The following ATAD1 variants were observed in gnomAD, a reference collection of about 807,000 sequenced individuals.
The protein encoded by ATAD1 is outer mitochondrial transmembrane helix translocase.
ATAD1 carries 18 observed loss-of-function variants against 42.7 expected under a neutral mutation model. The ratio of observed to expected loss-of-function variants is 0.42; its 90% CI spans 0.29 to 0.63. The LOEUF (loss-of-function observed/expected upper bound fraction) is 0.63. Among genes scored for constraint, ATAD1 ranks in the 20% least tolerant of loss-of-function variants. The pLI is 0.19. For synonymous variants in ATAD1, 132 were observed against 143.1 expected (o/e 0.92, Z 0.55); for missense variants, 294 against 440.4 (o/e 0.67, Z 2.98).
chr10:87,787,161 A>G (rs1421918627), intron 4 of ATAD1, among the ~76,000 whole-genome samples: 3 of 152,220 alleles, frequency 2.0e-5, no homozygotes, highest in Non-Finnish European at 2.9e-5. Context: ...TGCAACCTTT[A>G]AATTAGTTCT....
chr10:87,810,493 T>C (rs2132045045), intron 2 of ATAD1, among the ~76,000 whole-genome samples: 1 of 152,324 alleles, frequency 6.6e-6, no homozygotes, highest in East Asian at 1.9e-4. Flanking sequence ...CCTGTAGTTA[T>C]ATCATATTTT....
chr10:87,783,020 T>A (rs1855643781), intron 5 of ATAD1, among the ~76,000 whole-genome samples: 1 of 151,150 alleles, frequency 6.6e-6, no homozygotes, highest in South Asian at 2.1e-4. Flanking sequence ...ATCTCAGCTA[T>A]CATAACAAAA....
At chr10:87,764,871 T>C (rs1854662698) in intron 8 of ATAD1, among the ~76,000 whole-genome samples, 1 of 151,994 alleles carries the variant, frequency 6.6e-6, no homozygotes, top group Admixed American at 6.6e-5. Flanking sequence ...CTATAACCTA[T>C]AAATTAAAAG....
At chr10:87,792,132 C>T (rs987573267) in intron 3 of ATAD1, among the ~76,000 whole-genome samples, 2 of 152,220 alleles carry the variant, frequency 1.3e-5, no homozygotes, top group Non-Finnish European at 1.5e-5. Context: ...AAGATTGGCC[C>T]TTGGCTGGCA....
chr10:87,792,872 AAGG>A, intron 2 of ATAD1, 117 bp from the exon 3 acceptor site: 4 of 761,016 alleles, frequency 5.3e-6, no homozygotes, highest in Non-Finnish European at 8.7e-6. Flanking sequence ...AGAAATTTCC[AAGG>A]ATATTCTAGG....
chr10:87,814,853 G>A (rs181793320), intron 1 of ATAD1: 4 of 250,806 alleles, frequency 1.6e-5, no homozygotes, highest in Non-Finnish European at 3.0e-5. Flanking sequence ...TTATTTGGTA[G>A]TAGAATTAAT....
intron 4 of ATAD1, among the ~76,000 whole-genome samples, chr10:87,787,446 T>C (rs1049814148): frequency 6.6e-6 from 1 of 152,056 alleles, no homozygotes; most frequent in South Asian, 2.1e-4. Context: ...AGTGAGACCC[T>C]GTCTCTACAA....
At chr10:87,791,946 T>C (rs1856142181) in intron 3 of ATAD1, among the ~76,000 whole-genome samples, 1 of 152,212 alleles carries the variant, frequency 6.6e-6, no homozygotes. Flanking sequence ...TGTGTTATCA[T>C]ACCATATTAT....
At position 87,754,705 on chromosome 10, in the gene ATAD1, T is replaced by A; in HGVS notation, c.1068A>T (p.Thr356=). 1 of 1,613,494 alleles carries A rather than the reference T, an allele frequency of 6.2e-7. No homozygotes were observed. The highest frequency in any genetic ancestry group is 8.5e-7 in the Non-Finnish European group (1 of 1,179,746). ...SKDAAFQNVL[T]HVCLD ...TTTACTCTTAATCTAAACAAACATG[T>A]GTTAAAACATTCTGAAATGCTGCAT... Residue 356 remains threonine, a synonymous_variant, in exon 10 of 10, where the codon ACA becomes ACT. Transcript: ENST00000680024.
At position 87,833,546 on chromosome 10, in the gene ATAD1, A is replaced by G. The variant is rs186504657; in HGVS notation, c.-14+7641T>C. Among the ~76,000 whole-genome samples, 250 of 152,140 alleles carry G rather than the reference A, an allele frequency of 1.6e-3. 1 individual carries two copies. The highest frequency in any genetic ancestry group is 2.9e-3 in the Non-Finnish European group (196 of 68,000). On this transcript the variant is annotated intron_variant, in intron 1 of 4. Coordinates refer to the ATAD1 transcript ENST00000495903. ...TGAAGACATTCTTACCTTGTTCCTG[A>G]CCTTAATGGGTAGAATTCAGTCTTT...
chr10:87,790,239 C>A, intron 4 of ATAD1, 71 bp downstream of exon 4: 1 of 1,558,220 alleles, frequency 6.4e-7, no homozygotes, highest in South Asian at 1.2e-5. Flanking sequence ...AAAACTAGTT[C>A]TACAATGGCA....
chr10:87,819,582 C>T (rs1386018326), upstream of ATAD1, among the ~76,000 whole-genome samples: 1 of 152,254 alleles, frequency 6.6e-6, no homozygotes, highest in East Asian at 1.9e-4. Context: ...ACATGCATAA[C>T]CTAAATATCT....
In ATAD1 at chr10:87,792,596, C is replaced by T. The variant is rs138327646; in HGVS notation, c.261+61G>A. 1.8e-4 allele frequency: 227 copies of T among 1,286,472 alleles called. 2 individuals carry two copies. In the East Asian group the frequency reaches 4.6e-3, roughly 26 times the overall value. The allele number at this position is 1,286,472 out of a possible 1,614,324, so 79.7% of individuals were successfully genotyped here. Reference sequence around the variant, plus strand: ...GCCGTGATCTTTAAGACCCCTGACACAAAATGCTAGAACCCACCCCCACCT... The same window carrying T: ...GCCGTGATCTTTAAGACCCCTGACATAAAATGCTAGAACCCACCCCCACCT... On this transcript the variant is annotated intron_variant, in intron 3 of 9. Transcript: ENST00000680024.
At chr10:87,765,495 G>A (rs1189746652) in intron 8 of ATAD1, among the ~76,000 whole-genome samples, 1 of 94,294 alleles carries the variant, frequency 1.1e-5, no homozygotes, top group Non-Finnish European at 1.9e-5. Context: ...GGGGGTGGGT[G>A]GGGGGGAAGA....
intron 1 of ATAD1, chr10:87,833,127 T>G (rs1351668246): frequency 6.6e-6 from 1 of 152,220 alleles, no homozygotes; most frequent in Non-Finnish European, 1.5e-5. Flanking sequence ...CTCCATTATT[T>G]ATAGTTAGAT....
At chr10:87,759,925 A>T in intron 8 of ATAD1, 1 of 223,444 alleles carries the variant, frequency 4.5e-6, no homozygotes, top group South Asian at 5.4e-5. Flanking sequence ...CTTTTAGATA[A>T]ACCATGAAAT....
intron 2 of ATAD1, among the ~76,000 whole-genome samples, chr10:87,804,455 C>T (rs1856835564): frequency 6.7e-6 from 1 of 148,264 alleles, no homozygotes; most frequent in African/African-American, 2.5e-5. Context: ...CTGCAACCTT[C>T]GCCACTAGGG....
intron 1 of ATAD1, among the ~76,000 whole-genome samples, chr10:87,831,765 G>A (rs1183171264): frequency 5.9e-5 from 9 of 152,182 alleles, no homozygotes; most frequent in South Asian, 2.1e-4. Context: ...ATAAGTTACT[G>A]TGACTGACAA....
At chr10:87,806,086 T>C (rs1020923245) in intron 2 of ATAD1, among the ~76,000 whole-genome samples, 5 of 152,122 alleles carry the variant, frequency 3.3e-5, no homozygotes, top group African/African-American at 1.2e-4. Context: ...AAAATTATAT[T>C]TGCCACCCCA....
Sources: allele counts gnomAD v4.1 joint callset (sites outside exome capture counted in the v4.1 genomes callset), GRCh38; gene constraint gnomAD v4.1.1; transcripts MANE v1.5; gene names NCBI Gene and HGNC (gene_info 2026-07-23, HGNC 2026-07-21).